C12orf42: variants seen among roughly 807,000 people sequenced by gnomAD.
C12orf42 encodes the protein uncharacterized protein C12orf42.
In C12orf42, 25 loss-of-function variants were observed where a neutral mutation model predicts 21.6. The ratio of observed to expected loss-of-function variants is 1.16; its 90% CI spans 0.84 to 1.62. The LOEUF (loss-of-function observed/expected upper bound fraction) is 1.62. Ranked by LOEUF, C12orf42 falls within the 40% of genes most tolerant of loss-of-function variation. The probability of loss-of-function intolerance (pLI) is 0.00; values close to 1 mark genes in which losing one functional copy is unlikely to be tolerated. For synonymous variants in C12orf42, 174 were observed against 175.0 expected (o/e 0.99, Z 0.05); for missense variants, 483 against 459.3 (o/e 1.05, Z -0.47).
At chr12:103,224,090 C>A in the C12orf42 span, among the ~76,000 whole-genome samples, 177 of 152,216 alleles carry the variant, frequency 1.2e-3, no homozygotes, top group African/African-American at 4.0e-3. Context: ...ACTGCGGTGG[C>A]CTTCTCAGAC....
At chr12:103,384,523 T>G (rs1182875096) in intron 3 of C12orf42, among the ~76,000 whole-genome samples, 1 of 152,222 alleles carries the variant, frequency 6.6e-6, no homozygotes, top group African/African-American at 2.4e-5. Context: ...TTTATAAAGG[T>G]AACACATGTA....
At chr12:103,107,001 G>A in the C12orf42 span, among the ~76,000 whole-genome samples, 2 of 151,826 alleles carry the variant, frequency 1.3e-5, no homozygotes, top group Non-Finnish European at 2.9e-5. Flanking sequence ...TTGATGTTAG[G>A]CAAATAAGCC....
chr12:103,205,885 C>T, the C12orf42 span, among the ~76,000 whole-genome samples: 20 of 152,232 alleles, frequency 1.3e-4, no homozygotes, highest in African/African-American at 4.3e-4. Context: ...ACATAAGAGG[C>T]ATATGTAAGC....
intron 2 of C12orf42, among the ~76,000 whole-genome samples, chr12:103,457,333 T>C (rs1879619): frequency 0.21 from 31,572 of 152,112 alleles, 4,153 homozygotes; most frequent in African/African-American, 0.36. Context: ...AAGAAGCTAC[T>C]GGCAGGGTAT....
chr12:103,555,219 A>G, the C12orf42 span, among the ~76,000 whole-genome samples: 10,310 of 152,212 alleles, frequency 0.068, 394 homozygotes, highest in East Asian at 0.12. Flanking sequence ...AAGAGGTTTA[A>G]TGGACTTACA....
chr12:103,066,186 G>T, the C12orf42 span, among the ~76,000 whole-genome samples: 1 of 152,110 alleles, frequency 6.6e-6, no homozygotes, highest in Non-Finnish European at 1.5e-5. Flanking sequence ...TTTGCCTATG[G>T]GTCATCAAGT....
the C12orf42 span, among the ~76,000 whole-genome samples, chr12:103,560,356 C>A: frequency 1.1e-4 from 1 of 9,248 alleles, no homozygotes; most frequent in Non-Finnish European, 4.1e-4. Flanking sequence ...CAAGATCAGG[C>A]TCTGATGCTT....
intron 4 of C12orf42, among the ~76,000 whole-genome samples, chr12:103,355,547 T>C (rs1184834179): frequency 1.3e-5 from 2 of 152,040 alleles, no homozygotes; most frequent in African/African-American, 2.4e-5. Flanking sequence ...TAAATGGGAA[T>C]TCGATTATCC....
At chr12:103,074,196 G>A in the C12orf42 span, among the ~76,000 whole-genome samples, 2 of 152,102 alleles carry the variant, frequency 1.3e-5, no homozygotes, top group Non-Finnish European at 2.9e-5. Context: ...TGATCCAGAG[G>A]GCTGAGGATG....
intron 4 of C12orf42, among the ~76,000 whole-genome samples, chr12:103,307,837 G>A (rs962897790): frequency 6.6e-6 from 1 of 152,128 alleles, no homozygotes; most frequent in African/African-American, 2.4e-5. Flanking sequence ...ATCTCTTTTG[G>A]GGAGAGGGGT....
intron 10 of C12orf42, among the ~76,000 whole-genome samples, chr12:103,248,232 CT>C (rs1236961125): frequency 6.6e-6 from 1 of 151,974 alleles, no homozygotes; most frequent in Non-Finnish European, 1.5e-5. Flanking sequence ...ATCCATTTTT[CT>C]TAGCAAACGT....
chr12:103,529,463 G>T, the C12orf42 span, among the ~76,000 whole-genome samples: 2 of 152,132 alleles, frequency 1.3e-5, no homozygotes, highest in Non-Finnish European at 2.9e-5. Flanking sequence ...TCAACAGTGC[G>T]TCGGCTCTCC....
chr12:103,325,375 T>C (rs2040579029), intron 4 of C12orf42, among the ~76,000 whole-genome samples: 1 of 152,230 alleles, frequency 6.6e-6, no homozygotes, highest in Admixed American at 6.5e-5. Context: ...CACAGTTATC[T>C]CTACCAATAA....
At chr12:103,345,136 T>C (rs963848272) in intron 4 of C12orf42, among the ~76,000 whole-genome samples, 11 of 152,312 alleles carry the variant, frequency 7.2e-5, no homozygotes, top group African/African-American at 2.6e-4. Flanking sequence ...GTATTAATTA[T>C]ACCCCTCATA....
intron 3 of C12orf42, among the ~76,000 whole-genome samples, chr12:103,389,151 G>A (rs1326463565): frequency 6.6e-6 from 1 of 152,210 alleles, no homozygotes; most frequent in Non-Finnish European, 1.5e-5. Flanking sequence ...TGGTAAGGGA[G>A]GAAGATGACA....
At chr12:103,101,012 G>A in the C12orf42 span, among the ~76,000 whole-genome samples, 2 of 152,116 alleles carry the variant, frequency 1.3e-5, no homozygotes, top group Non-Finnish European at 2.9e-5. Context: ...AACCAGGTTC[G>A]AATCCTGGCT....
At chr12:103,242,913 T>G (rs2033822352) in intron 10 of C12orf42, among the ~76,000 whole-genome samples, 1 of 152,182 alleles carries the variant, frequency 6.6e-6, no homozygotes. Flanking sequence ...AAATCCAATT[T>G]TCATGGTGCT....
chr12:103,402,316 A>G (rs1177744096), intron 2 of C12orf42, among the ~76,000 whole-genome samples: 1 of 152,242 alleles, frequency 6.6e-6, no homozygotes, highest in Non-Finnish European at 1.5e-5. Flanking sequence ...ATATCAAACC[A>G]GACATTTGAT....
chr12:103,466,570 A>ACTCT (rs34012304), intron 2 of C12orf42, among the ~76,000 whole-genome samples: 8 of 150,462 alleles, frequency 5.3e-5, no homozygotes, highest in Admixed American at 2.0e-4. Flanking sequence ...TCTCTCCCTG[A>ACTCT]CTCTCTCTCT....
Sources: allele counts gnomAD v4.1 joint callset (sites outside exome capture counted in the v4.1 genomes callset), GRCh38; gene constraint gnomAD v4.1.1; transcripts MANE v1.5; gene names NCBI Gene and HGNC (gene_info 2026-07-23, HGNC 2026-07-21).